Variants in COX5A observed in about 807,000 individuals in gnomAD.
The protein encoded by COX5A is cytochrome c oxidase subunit 5A, mitochondrial.
COX5A carries 6 observed loss-of-function variants against 16.1 expected under a neutral mutation model. The ratio of observed to expected loss-of-function variants is 0.37; its 90% CI spans 0.20 to 0.73. The LOEUF (loss-of-function observed/expected upper bound fraction) is 0.73. Ranked by LOEUF, COX5A falls within the 30% of genes least tolerant of loss-of-function variation. COX5A has a pLI of 0.50. For missense variants in COX5A, 159 were observed against 194.9 expected, an observed-to-expected ratio of 0.82 and a Z score of 1.10; for synonymous variants, 73 against 73.8, an observed-to-expected ratio of 0.99 and a Z score of 0.06.
chr15:74,926,822 C>T lies in COX5A; in HGVS notation c.283G>A (p.Ala95Thr), dbSNP rs781655016. ...GCAAAATCATTTAACCGTCTGCATG[C>T]CCGCAAAGCAGCATCAATGATTTTG... is the stretch of plus-strand genomic sequence containing the variant. ...EPKIIDAALR[A>T]CRRLNDFAST... Residue 95 changes from alanine to threonine, a missense_variant, in exon 3 of 5, where the codon GCA (alanine) becomes ACA (threonine). Transcript: ENST00000322347. 6.2e-7 allele frequency: 1 copy of T among 1,613,882 alleles called. No individual in the cohort carries two copies. Among genetic ancestry groups the T allele is most frequent in the Non-Finnish European group, 8.5e-7 (1 of 1,179,868 alleles).
At chr15:74,926,948 A>T in intron 2 of COX5A, 61 bp from the exon 3 acceptor site, 1 of 1,557,044 alleles carries the variant, frequency 6.4e-7, no homozygotes, top group Non-Finnish European at 8.7e-7. Context: ...ACTATGAGTT[A>T]TTTATATTTT....
chr15:74,927,119 G>A (rs1267277993), intron 2 of COX5A, among the ~76,000 whole-genome samples: 1 of 151,868 alleles, frequency 6.6e-6, no homozygotes, highest in Non-Finnish European at 1.5e-5. Context: ...CACGCAGATT[G>A]AAGGAAAAAA....
At chr15:74,935,599 C>CAAAA (rs1301595215) in intron 1 of COX5A, among the ~76,000 whole-genome samples, 8 of 146,246 alleles carry the variant, frequency 5.5e-5, no homozygotes, top group East Asian at 2.0e-4. Flanking sequence ...AGACTATCAC[C>CAAAA]AAAAAAAAAA....
chr15:74,936,507 G>C (rs1481373606), intron 1 of COX5A, among the ~76,000 whole-genome samples: 1 of 151,868 alleles, frequency 6.6e-6, no homozygotes, highest in Non-Finnish European at 1.5e-5. Flanking sequence ...GGGCAACATA[G>C]GGACACTCCG....
chr15:74,924,936 A>G (rs896361571), intron 3 of COX5A, among the ~76,000 whole-genome samples: 8 of 152,200 alleles, frequency 5.3e-5, no homozygotes, highest in Admixed American at 2.6e-4. Flanking sequence ...TTGAGAATAC[A>G]TATGTCCAGG....
chr15:74,933,335 A>G (rs969252182), intron 1 of COX5A, among the ~76,000 whole-genome samples: 16 of 151,778 alleles, frequency 1.1e-4, no homozygotes, highest in African/African-American at 3.9e-4. Flanking sequence ...AATAGCTTGA[A>G]CCCAGGGAGG....
At chr15:74,925,474 T>C (rs186231149) in intron 3 of COX5A, among the ~76,000 whole-genome samples, 3,997 of 150,414 alleles carry the variant, frequency 0.027, 76 homozygotes, top group Middle Eastern at 0.048. Flanking sequence ...CTGTAACCTC[T>C]GCCTCCCGGG....
rs1483093215 is a variant in COX5A, at chr15:74,938,005, C to T, written c.10G>A (p.Ala4Thr). The T allele has an allele frequency of 1.1e-5, 13 of 1,231,430 alleles. No individual in the cohort carries two copies. The highest frequency in any genetic ancestry group is 4.1e-5 in the South Asian group (1 of 24,378). 76.3% of individuals were successfully genotyped at this position (1,231,430 alleles called of 1,614,324 possible). A position where few individuals can be genotyped will look rare whatever the true frequency, so the allele number is the denominator to read the frequency against. MLG[A>T]ALRRCAVAAT... ...GCCACAGCGCAGCGGCGGAGAGCGG[C>T]GCCCAGCATGACGGCGATGGCGGCG... Residue 4 changes from alanine to threonine, a missense_variant, in exon 1 of 5, where the codon GCC becomes ACC. Coordinates refer to ENST00000322347, the MANE Select transcript of COX5A (RefSeq NM_004255.4).
At chr15:74,934,876 G>A (rs1466996908) in intron 1 of COX5A, among the ~76,000 whole-genome samples, 1 of 152,020 alleles carries the variant, frequency 6.6e-6, no homozygotes, top group African/African-American at 2.4e-5. Flanking sequence ...TAAGAAAAAA[G>A]AAGCAGCTGT....
intron 2 of COX5A, among the ~76,000 whole-genome samples, chr15:74,928,187 T>C (rs758891982): frequency 3.9e-5 from 6 of 152,178 alleles, no homozygotes; most frequent in Non-Finnish European, 5.9e-5. Flanking sequence ...ACGATAGTCA[T>C]TGAGATTGAA....
At chr15:74,923,815 T>C (rs1185281448) in intron 3 of COX5A, 45 bp from the exon 4 acceptor site, 3 of 1,217,600 alleles carry the variant, frequency 2.5e-6, no homozygotes, top group South Asian at 2.4e-5. Flanking sequence ...TCAAAAGCCA[T>C]GTCTATTAAT....
intron 1 of COX5A, among the ~76,000 whole-genome samples, chr15:74,931,275 T>C (rs1441087080): frequency 6.6e-6 from 1 of 151,952 alleles, no homozygotes; most frequent in Non-Finnish European, 1.5e-5. Context: ...CTGAGACTGG[T>C]GGATCACCTG....
At chr15:74,921,366 C>T (rs1169921118) in intron 4 of COX5A, among the ~76,000 whole-genome samples, 5 of 145,588 alleles carry the variant, frequency 3.4e-5, no homozygotes, top group African/African-American at 1.3e-4. Context: ...CGAGATCATG[C>T]CACTGCACTC....
chr15:74,927,281 A>C (rs2065348644), intron 2 of COX5A, among the ~76,000 whole-genome samples: 1 of 151,908 alleles, frequency 6.6e-6, no homozygotes, highest in Admixed American at 6.6e-5. Context: ...GGTTCAAGTG[A>C]TTCTCCTGCC....
At chr15:74,929,377 T>C (rs897540513) in intron 1 of COX5A, 145 bp from the exon 2 acceptor site, 1 of 589,730 alleles carries the variant, frequency 1.7e-6, no homozygotes, top group Admixed American at 3.1e-5. Flanking sequence ...TATACATTGA[T>C]ACAGAAAGAT....
intron 1 of COX5A, among the ~76,000 whole-genome samples, chr15:74,934,754 C>T (rs1163715683): frequency 1.3e-5 from 2 of 152,124 alleles, no homozygotes; most frequent in Non-Finnish European, 2.9e-5. Flanking sequence ...CTCTGCCCCA[C>T]ACACCCCACC....
At chr15:74,929,738 T>C (rs558702341) in intron 1 of COX5A, among the ~76,000 whole-genome samples, 190 of 152,172 alleles carry the variant, frequency 1.2e-3, no homozygotes, top group South Asian at 3.1e-3. Context: ...CCTGATAAGA[T>C]AGCCATTGCA....
chr15:74,922,563 C>T (rs763364775), intron 4 of COX5A, among the ~76,000 whole-genome samples: 1 of 151,990 alleles, frequency 6.6e-6, no homozygotes, highest in Non-Finnish European at 1.5e-5. Context: ...TCAAGCCAGT[C>T]TCAAACTCCT....
At chr15:74,923,442 A>T in intron 4 of COX5A, among the ~76,000 whole-genome samples, 1 of 152,186 alleles carries the variant, frequency 6.6e-6, no homozygotes, top group East Asian at 1.9e-4. Flanking sequence ...GAAAGAAAAG[A>T]AGGAAAGAAA....
Sources: gnomAD v4.1 joint callset for allele counts (sites outside exome capture counted in the v4.1 genomes callset) on GRCh38, gnomAD v4.1.1 for gene constraint, MANE v1.5 for transcripts, NCBI Gene and HGNC (gene_info 2026-07-23, HGNC 2026-07-21) for gene names.